Variants in ZNF138 observed in about 807,000 individuals in gnomAD.
ZNF138 encodes zinc finger protein 138 (clone pHZ-32).
In ZNF138, 33 loss-of-function variants were observed where a neutral mutation model predicts 33.0. That is an observed-to-expected ratio of 1.00 (90% CI 0.76 to 1.34). ZNF138 has a LOEUF of 1.34. Ranked by LOEUF, ZNF138 falls within the 40% of genes most tolerant of loss-of-function variation. ZNF138 has a pLI of 0.00. For synonymous variants in ZNF138, 139 were observed against 120.4 expected, an observed-to-expected ratio of 1.15 and a Z score of -1.01; for missense variants, 360 against 370.8, an observed-to-expected ratio of 0.97 and a Z score of 0.24.
chr7:64,810,755 G>A (rs1788106065), intron 1 of ZNF138, among the ~76,000 whole-genome samples: 1 of 152,090 alleles, frequency 6.6e-6, no homozygotes, highest in South Asian at 2.1e-4. Flanking sequence ...TACTGTTTTT[G>A]GAGGCCTTAT....
At chr7:64,813,688 C>T (rs1437355565) in intron 1 of ZNF138, among the ~76,000 whole-genome samples, 1 of 152,132 alleles carries the variant, frequency 6.6e-6, no homozygotes, top group African/African-American at 2.4e-5. Context: ...CCTGCCTCGG[C>T]CTCCCAAAGT....
At chr7:64,811,125 A>G (rs1407007276) in intron 1 of ZNF138, among the ~76,000 whole-genome samples, 1 of 152,090 alleles carries the variant, frequency 6.6e-6, no homozygotes, top group Non-Finnish European at 1.5e-5. Flanking sequence ...AATTCTATAC[A>G]TTTTTTAAAA....
At chr7:64,842,130 C>T in the ZNF138 span, among the ~76,000 whole-genome samples, 3 of 152,312 alleles carry the variant, frequency 2.0e-5, no homozygotes, top group South Asian at 4.1e-4. Context: ...GTGGCGTGAT[C>T]TTGGCTCACT....
intron 3 of ZNF138, among the ~76,000 whole-genome samples, chr7:64,825,933 T>C (rs1789577482): frequency 6.6e-6 from 1 of 152,132 alleles, no homozygotes; most frequent in Non-Finnish European, 1.5e-5. Flanking sequence ...ACTCCCAAAC[T>C]CAGATGATCC....
chr7:64,817,305 G>C (rs978388977), intron 3 of ZNF138, among the ~76,000 whole-genome samples: 11 of 152,230 alleles, frequency 7.2e-5, no homozygotes, highest in Admixed American at 1.3e-4. Flanking sequence ...CTCCCAGACT[G>C]TGATTGGGAG....
the ZNF138 span, among the ~76,000 whole-genome samples, chr7:64,846,523 C>G: frequency 0.34 from 51,382 of 151,910 alleles, 9,365 homozygotes; most frequent in Non-Finnish European, 0.41. Context: ...TTTTATGCAG[C>G]TGTTATAAAA....
At position 64,831,153 on chromosome 7, in the gene ZNF138, T is replaced by A; in HGVS notation, c.209-298T>A. 2.6e-6 allele frequency: 4 copies of A among 1,509,500 alleles called. No individual in the cohort carries two copies. In the South Asian group the frequency reaches 5.1e-5, roughly 19 times the overall value. The allele number at this position is 1,509,500 out of a possible 1,614,324, so 93.5% of individuals were successfully genotyped here. A position where few individuals can be genotyped will look rare whatever the true frequency, so the allele number is the denominator to read the frequency against. On this transcript the variant is annotated intron_variant, in intron 3 of 3. Coordinates refer to ENST00000307355, the MANE Select transcript of ZNF138 (RefSeq NM_001271639.2). ...GTTTACTTCTAGAGGCACTATGTTA[T>A]ATCGGGGAACAGAAAGAGCTGTGTT...
chr7:64,803,778 T>C (rs1447039774), intron 1 of ZNF138, among the ~76,000 whole-genome samples: 1 of 144,708 alleles, frequency 6.9e-6, no homozygotes, highest in Non-Finnish European at 1.5e-5. Context: ...TTATAAATAG[T>C]ACATTAAAAT....
chr7:64,852,413 G>A, the ZNF138 span: 1 of 1,553,406 alleles, frequency 6.4e-7, no homozygotes, highest in East Asian at 2.2e-5. Context: ...GGCCCCGGGT[G>A]TGGGATTCAC....
At chr7:64,829,185 A>C (rs1789885106) in intron 3 of ZNF138, among the ~76,000 whole-genome samples, 1 of 152,128 alleles carries the variant, frequency 6.6e-6, no homozygotes, top group Non-Finnish European at 1.5e-5. Flanking sequence ...TAATGTTGTT[A>C]GGAGTATTCT....
chr7:64,821,355 C>T (rs1023814397), intron 3 of ZNF138, among the ~76,000 whole-genome samples: 1 of 151,136 alleles, frequency 6.6e-6, no homozygotes, highest in Non-Finnish European at 1.5e-5. Flanking sequence ...TCCCAAAGTG[C>T]TGGGATTATA....
intron 1 of ZNF138, among the ~76,000 whole-genome samples, chr7:64,797,450 C>T (rs534878751): frequency 1.3e-5 from 2 of 152,176 alleles, no homozygotes; most frequent in African/African-American, 2.4e-5. Flanking sequence ...TGAACAACTC[C>T]GACATGGAAA....
At chr7:64,805,260 G>A (rs940834294) in intron 1 of ZNF138, among the ~76,000 whole-genome samples, 4 of 152,214 alleles carry the variant, frequency 2.6e-5, no homozygotes, top group East Asian at 1.9e-4. Flanking sequence ...TTAGCTGGGC[G>A]TGGTGGCAGG....
At chr7:64,815,211 A>G (rs1402751085) in intron 2 of ZNF138, among the ~76,000 whole-genome samples, 167 bp downstream of exon 2, 1 of 151,458 alleles carries the variant, frequency 6.6e-6, no homozygotes, top group Admixed American at 6.6e-5. Context: ...CAATTTCTTT[A>G]AGATGTTTCA....
chr7:64,818,016 C>G (rs1788808528), intron 3 of ZNF138, among the ~76,000 whole-genome samples: 1 of 145,610 alleles, frequency 6.9e-6, no homozygotes, highest in South Asian at 2.2e-4. Context: ...TTTTTTGAGA[C>G]CGAGTCTCAC....
At chr7:64,819,473 T>C (rs972822171) in intron 3 of ZNF138, among the ~76,000 whole-genome samples, 1 of 152,040 alleles carries the variant, frequency 6.6e-6, no homozygotes, top group African/African-American at 2.4e-5. Context: ...GCTCAAGTGA[T>C]TCTCCTGCCT....
intron 3 of ZNF138, among the ~76,000 whole-genome samples, chr7:64,817,996 A>ATTT (rs1162172898): frequency 5.7e-5 from 5 of 87,128 alleles, no homozygotes; most frequent in East Asian, 2.9e-4. Context: ...TATTATTATT[A>ATTT]TTTTTTTTTT....
intron 1 of ZNF138, among the ~76,000 whole-genome samples, chr7:64,810,275 G>A (rs1788041912): frequency 6.6e-6 from 1 of 150,824 alleles, no homozygotes; most frequent in South Asian, 2.1e-4. Flanking sequence ...GGCCGACACA[G>A]CGAAACCCCG....
In ZNF138 at chr7:64,794,493, C is replaced by T. The variant is rs1562879184; in HGVS notation, c.-76C>T. 6 of 1,603,398 alleles carry T rather than the reference C, an allele frequency of 3.7e-6. No homozygotes were observed. The highest frequency in any genetic ancestry group is 1.3e-5 in the African/African-American group (1 of 74,744). ...TCTGCGTCCTCTTACTCCTAGAGGC[C>T]CAGCCTCTGTGGCGCTGTGATCTGG... On this transcript the variant is annotated 5_prime_UTR_variant, in exon 1 of 4. Transcript: ENST00000307355.
Sources: gnomAD v4.1 joint callset for allele counts (sites outside exome capture counted in the v4.1 genomes callset) on GRCh38, gnomAD v4.1.1 for gene constraint, MANE v1.5 for transcripts, NCBI Gene and HGNC (gene_info 2026-07-23, HGNC 2026-07-21) for gene names.